The following ASTN2 variants were observed in gnomAD, a reference collection of about 807,000 sequenced individuals.
ASTN2 encodes the protein astrotactin-2.
A neutral mutation model predicts 139.8 loss-of-function variants in ASTN2; 54 were observed. The ratio of observed to expected loss-of-function variants is 0.39; its 90% CI spans 0.31 to 0.48. The LOEUF is 0.48. Ranked by LOEUF, ASTN2 falls within the 20% of genes least tolerant of loss-of-function variation. ASTN2 has a pLI of 0.95. For missense variants in ASTN2, 1,565 were observed against 1,725.1 expected, an observed-to-expected ratio of 0.91 and a Z score of 1.64; for synonymous variants, 756 against 719.5, an observed-to-expected ratio of 1.05 and a Z score of -0.81.
chr9:117,141,589 C>T, intron 3 of ASTN2, 111 bp from the exon 4 acceptor site: 2 of 970,204 alleles, frequency 2.1e-6, no homozygotes, highest in Admixed American at 3.4e-5. Flanking sequence ...GAGCACTAGA[C>T]CTGGCCACCC....
chr9:116,937,673 G>A (rs1487875598), intron 10 of ASTN2, among the ~76,000 whole-genome samples: 2 of 152,214 alleles, frequency 1.3e-5, no homozygotes, highest in East Asian at 3.9e-4. Flanking sequence ...AGAAAGATAT[G>A]CATTTGAGGT....
chr9:116,457,683 C>T (rs910298337), intron 20 of ASTN2, among the ~76,000 whole-genome samples: 1 of 152,010 alleles, frequency 6.6e-6, no homozygotes, highest in African/African-American at 2.4e-5. Flanking sequence ...TGGCTTTTAT[C>T]CAAAAGTCAG....
chr9:116,758,722 G>C (rs868802091), intron 13 of ASTN2, among the ~76,000 whole-genome samples: 2 of 152,080 alleles, frequency 1.3e-5, no homozygotes, highest in South Asian at 4.2e-4. Flanking sequence ...GGGATCAATG[G>C]ACAGCTTGAG....
At chr9:116,530,082 T>C (rs1331827474) in intron 19 of ASTN2, among the ~76,000 whole-genome samples, 2 of 122,824 alleles carry the variant, frequency 1.6e-5, no homozygotes, top group East Asian at 5.0e-4. Flanking sequence ...AGTGGATGAA[T>C]GGATAAAGTG....
chr9:116,465,614 T>C (rs1848626753), intron 20 of ASTN2, among the ~76,000 whole-genome samples: 1 of 152,178 alleles, frequency 6.6e-6, no homozygotes, highest in Admixed American at 6.5e-5. Context: ...TTACTATTAA[T>C]AATAAATAAT....
chr9:117,164,517 T>C (rs1192681777), intron 3 of ASTN2, among the ~76,000 whole-genome samples: 2 of 152,086 alleles, frequency 1.3e-5, no homozygotes, highest in Non-Finnish European at 2.9e-5. Context: ...CAATAGCTAT[T>C]AAATCAAAAC....
intron 3 of ASTN2, among the ~76,000 whole-genome samples, chr9:117,163,878 T>C (rs1370109090): frequency 1.3e-5 from 2 of 152,132 alleles, no homozygotes; most frequent in African/African-American, 4.8e-5. Context: ...TTGCTACCAA[T>C]TGAAAATGAC....
At chr9:117,083,224 A>C (rs1828473876) in intron 5 of ASTN2, among the ~76,000 whole-genome samples, 1 of 152,238 alleles carries the variant, frequency 6.6e-6, no homozygotes, top group Admixed American at 6.5e-5. Context: ...GCAAATAAAA[A>C]AAAATGAATG....
chr9:117,034,458 G>A (rs1588498387), intron 6 of ASTN2, among the ~76,000 whole-genome samples: 2 of 152,080 alleles, frequency 1.3e-5, no homozygotes, highest in Admixed American at 1.3e-4. Flanking sequence ...TCCATTAGTA[G>A]GGCATTGATA....
chr9:116,484,316 C>T (rs931751168), intron 20 of ASTN2, among the ~76,000 whole-genome samples: 1 of 152,192 alleles, frequency 6.6e-6, no homozygotes, highest in Non-Finnish European at 1.5e-5. Flanking sequence ...AATCACCAGC[C>T]TCCTTTTCCA....
At chr9:116,991,171 C>T (rs200243163) in intron 7 of ASTN2, among the ~76,000 whole-genome samples, 1 of 142,586 alleles carries the variant, frequency 7.0e-6, no homozygotes, top group East Asian at 2.1e-4. Context: ...CACACACACA[C>T]ATACACACAG....
Position 116,806,570 on chromosome 9 carries a change from G to A in ASTN2, c.2208-750C>T, listed in dbSNP as rs192282785. 1.5e-3 allele frequency among the ~76,000 whole-genome samples: 221 copies of A among 152,246 alleles called. 1 individual carries two copies. Among genetic ancestry groups the A allele is most frequent in the Admixed American group, 5.5e-3 (84 of 15,284 alleles). On this transcript the variant is annotated intron_variant, in intron 12 of 22. Coordinates refer to ENST00000313400, the MANE Select transcript of ASTN2 (RefSeq NM_001365068.1). ...AGTGTCTACCTTTTCAAAGTTCAGCGCTAAGCACTAGGAGTATGGTGCACA... is the reference window on the plus strand; with the variant it reads ...AGTGTCTACCTTTTCAAAGTTCAGCACTAAGCACTAGGAGTATGGTGCACA...
chr9:116,993,853 GATATATATATAT>G (rs61556942), intron 7 of ASTN2, among the ~76,000 whole-genome samples: 2 of 132,046 alleles, frequency 1.5e-5, no homozygotes, highest in East Asian at 2.2e-4. Flanking sequence ...GTATGTACAT[GATATATATATAT>G]ATATATATAT....
intron 19 of ASTN2, among the ~76,000 whole-genome samples, chr9:116,565,680 G>A (rs10119507): frequency 0.015 from 2,288 of 151,492 alleles, 60 homozygotes; most frequent in African/African-American, 0.052. Flanking sequence ...ACAGGGTCTC[G>A]CCATGTTGTC....
chr9:117,249,768 T>G (rs909701148), intron 2 of ASTN2, among the ~76,000 whole-genome samples: 2 of 152,046 alleles, frequency 1.3e-5, no homozygotes, highest in African/African-American at 4.8e-5. Flanking sequence ...GCCGTATTAC[T>G]GGAAGTCAAC....
intron 20 of ASTN2, among the ~76,000 whole-genome samples, chr9:116,482,033 A>G (rs1000388263): frequency 6.6e-6 from 1 of 152,188 alleles, no homozygotes; most frequent in Admixed American, 6.5e-5. Context: ...GAGGCCAAAA[A>G]TAACACTACC....
chr9:117,378,932 T>C (rs1434215413), intron 1 of ASTN2, among the ~76,000 whole-genome samples: 1 of 152,050 alleles, frequency 6.6e-6, no homozygotes, highest in East Asian at 1.9e-4. Context: ...GGATAGCGAG[T>C]TCTTACAAGA....
At chr9:117,094,626 A>G (rs937661918) in intron 5 of ASTN2, among the ~76,000 whole-genome samples, 2 of 152,068 alleles carry the variant, frequency 1.3e-5, no homozygotes, top group Admixed American at 6.6e-5. Flanking sequence ...GGCAGATCCC[A>G]TTTTTCCAAT....
intron 19 of ASTN2, among the ~76,000 whole-genome samples, chr9:116,507,377 CT>C (rs997018999): frequency 3.3e-5 from 5 of 152,170 alleles, no homozygotes; most frequent in African/African-American, 1.2e-4. Context: ...GGGAAAGTGA[CT>C]TGTCTGAAGA....
Sources: gnomAD v4.1 joint callset for allele counts (sites outside exome capture counted in the v4.1 genomes callset) on GRCh38, gnomAD v4.1.1 for gene constraint, MANE v1.5 for transcripts, NCBI Gene and HGNC (gene_info 2026-07-23, HGNC 2026-07-21) for gene names.